The following MYO9A variants were observed in gnomAD, a reference collection of about 807,000 sequenced individuals.
The protein encoded by MYO9A is unconventional myosin-IXa.
A neutral mutation model predicts 293.3 loss-of-function variants in MYO9A; 103 were observed. The observed-to-expected ratio is 0.35, with a 90% CI of 0.30 to 0.41. The LOEUF is 0.41. MYO9A is among the 10% of genes least tolerant of loss of function. MYO9A has a pLI of 1.00. For synonymous variants in MYO9A, 1,001 were observed against 1,035.7 expected, an observed-to-expected ratio of 0.97 and a Z score of 0.64; for missense variants, 2,685 against 3,033.0, an observed-to-expected ratio of 0.89 and a Z score of 2.69.
At chr15:71,829,374 T>C (rs879416125) in intron 40 of MYO9A, among the ~76,000 whole-genome samples, 1 of 152,076 alleles carries the variant, frequency 6.6e-6, no homozygotes, top group Non-Finnish European at 1.5e-5. Context: ...AAAGATCCCA[T>C]TAAGACTTCC....
intron 4 of MYO9A, among the ~76,000 whole-genome samples, chr15:72,026,087 C>T (rs1487645681): frequency 6.6e-6 from 1 of 151,762 alleles, no homozygotes; most frequent in African/African-American, 2.4e-5. Context: ...TCCTGGATAA[C>T]ATGGTGAAAC....
At chr15:71,984,083 T>TAA (rs1201573600) in intron 11 of MYO9A, among the ~76,000 whole-genome samples, 1 of 152,106 alleles carries the variant, frequency 6.6e-6, no homozygotes, top group East Asian at 1.9e-4. Context: ...GAAACTGTCA[T>TAA]AATTTCTGCA....
In MYO9A at chr15:72,006,831, A is replaced by C. The variant is rs2077031672; in HGVS notation, c.1380+995T>G. Among the ~76,000 whole-genome samples the C allele has an allele frequency of 3.9e-5, 6 of 152,246 alleles. No homozygotes were observed. The South Asian group carries it at 1.0e-3, about 26-fold the overall frequency. ...AATTTTGGAAATGAGTGAAGTCTGC[A>C]GGATTAAAGGCAGAAGGAATTGCTC... On this transcript the variant is annotated intron_variant, in intron 8 of 41. Transcript: ENST00000356056.
At chr15:72,027,677 G>C in intron 4 of MYO9A, 54 bp downstream of exon 4, 1 of 1,365,190 alleles carries the variant, frequency 7.3e-7, no homozygotes, top group Non-Finnish European at 1.0e-6. Flanking sequence ...TTAAAAGTCA[G>C]TCTGCGTGAT....
At chr15:71,975,962 G>A (rs917845412) in intron 12 of MYO9A, among the ~76,000 whole-genome samples, 3 of 152,140 alleles carry the variant, frequency 2.0e-5, no homozygotes, top group East Asian at 1.9e-4. Context: ...CCCACACCTC[G>A]TCCTACGCAG....
Position 71,898,193 on chromosome 15 carries a change from G to A in MYO9A, c.4310C>T (p.Thr1437Ile), listed in dbSNP as rs372644027. ...CAATAGTTTGTTTCTTTGGATACTT[G>A]TGTCTAGTTGGGAATTTGTTTTCAG... ...DPLKTNSQLD[T>I]SIQRNKLLEN... The change falls in exon 25 of 42, where the codon ACA becomes ATA. Residue 1437 changes from threonine (T) to isoleucine (I), a missense_variant. This residue lies in a region of MYO9A where 1,434 missense variants were observed against 1,497.7 expected (regional missense o/e 0.96). Transcript: ENST00000356056. The A allele has an allele frequency of 7.6e-5, 122 of 1,614,024 alleles. No homozygotes were observed. In the East Asian group the frequency reaches 2.5e-3, roughly 33 times the overall value.
intron 12 of MYO9A, among the ~76,000 whole-genome samples, chr15:71,969,842 A>G (rs1441443148): frequency 6.6e-6 from 1 of 152,202 alleles, no homozygotes; most frequent in Non-Finnish European, 1.5e-5. Flanking sequence ...CAAGAAAATC[A>G]TTCATTATTG....
At chr15:72,020,341 A>G (rs1287082429) in intron 5 of MYO9A, among the ~76,000 whole-genome samples, 4 of 152,206 alleles carry the variant, frequency 2.6e-5, no homozygotes, top group Non-Finnish European at 5.9e-5. Context: ...TTACTCCTCA[A>G]TGTGGAAGTT....
At position 71,826,648 on chromosome 15, in the gene MYO9A, T is replaced by A; in HGVS notation, c.7579A>T (p.Thr2527Ser). 2 of 1,613,092 alleles carry A rather than the reference T, an allele frequency of 1.2e-6. No homozygotes were observed. The highest frequency in any genetic ancestry group is 1.7e-6 in the Non-Finnish European group (2 of 1,179,790). ...EGTVMSGRRK[T>S]VDPDCTSNQQ... ...TTGGAGGTGCAGTCTGGGTCCACAG[T>A]TTTTCTGCGGCCAGACATGACTGTC... Residue 2527 changes from threonine to serine, a missense_variant, in exon 42 of 42, where the codon ACT becomes TCT. Thr to Ser is a moderately conservative substitution (Grantham distance 58, BLOSUM62 1). Around this residue, in one of 10 missense-constraint regions of MYO9A, gnomAD observed 350 missense variants for 328.9 expected, o/e 1.06. Transcript: ENST00000356056.
intron 15 of MYO9A, among the ~76,000 whole-genome samples, chr15:71,943,415 G>C (rs145605612): frequency 1.5e-3 from 226 of 152,106 alleles, no homozygotes; most frequent in African/African-American, 4.7e-3. Context: ...TCTGCAAGCA[G>C]TAATTCTGAT....
chr15:71,883,745 A>G lies in MYO9A; in HGVS notation c.5256-9T>C, dbSNP rs747801784. The G allele has an allele frequency of 6.2e-7, 1 of 1,600,044 alleles. No individual in the cohort carries two copies. Among genetic ancestry groups the G allele is most frequent in the Non-Finnish European group, 8.5e-7 (1 of 1,175,458 alleles). On this transcript the variant is annotated splice_polypyrimidine_tract_variant and intron_variant, in intron 27 of 41. Transcript: ENST00000356056. ...TCTTAGCTCTCTGAGGTCTGTTTAA[A>G]GAAATAAAGGTAAAAATGGAAATTA... is the stretch of plus-strand genomic sequence containing the variant.
intron 18 of MYO9A, among the ~76,000 whole-genome samples, chr15:71,924,730 G>A (rs2145249446): frequency 6.6e-6 from 1 of 152,138 alleles, no homozygotes; most frequent in East Asian, 1.9e-4. Context: ...TGACCAGCCT[G>A]ACCAACATGG....
intron 18 of MYO9A, among the ~76,000 whole-genome samples, chr15:71,932,037 T>C (rs991788595): frequency 6.6e-6 from 1 of 152,154 alleles, no homozygotes; most frequent in African/African-American, 2.4e-5. Flanking sequence ...CCTTTGTTTT[T>C]TGTTGTCTCC....
At chr15:71,938,046 A>G (rs552018939) in intron 16 of MYO9A, among the ~76,000 whole-genome samples, 1 of 152,294 alleles carries the variant, frequency 6.6e-6, no homozygotes, top group East Asian at 1.9e-4. Flanking sequence ...GTGGCTAGAT[A>G]CTTGGGCTGT....
At position 71,885,387 on chromosome 15, in the gene MYO9A, G is replaced by A. The variant is rs1382616971; in HGVS notation, c.5256-1651C>T. Among the ~76,000 whole-genome samples, 11 of 152,132 alleles carry A rather than the reference G, an allele frequency of 7.2e-5. No homozygotes were observed. The East Asian group carries it at 1.9e-3, about 27-fold the overall frequency. On this transcript the variant is annotated intron_variant, in intron 27 of 41. Transcript: ENST00000356056. ...TAGAGGATTTTTAAAATTTGCTCAT[G>A]AAAACTGTTTGATTTTTCATTTCCT... is the stretch of plus-strand genomic sequence containing the variant.
Position 71,826,744 on chromosome 15 carries a change from G to A in MYO9A, c.7483C>T (p.Pro2495Ser). 1 of 1,614,064 alleles carries A rather than the reference G, an allele frequency of 6.2e-7. No individual in the cohort carries two copies. The highest frequency in any genetic ancestry group is 8.5e-7 in the Non-Finnish European group (1 of 1,179,980). The change falls in exon 42 of 42, where the codon CCG becomes TCG. Residue 2495 changes from proline (P) to serine (S), a missense_variant. This residue lies in a region of MYO9A where 350 missense variants were observed against 328.9 expected (regional missense o/e 1.06). Coordinates refer to ENST00000356056, the MANE Select transcript of MYO9A (RefSeq NM_006901.4). ...PQFISRGTFN[P>S]EKGKQKLKNV... ...TTTAATTTTTGTTTGCCCTTTTCCG[G>A]GTTGAAGGTTCCTCTGCTGATGAAC...
At chr15:71,855,271 G>T (rs1343667392) in intron 34 of MYO9A, among the ~76,000 whole-genome samples, 1 of 152,148 alleles carries the variant, frequency 6.6e-6, no homozygotes, top group Non-Finnish European at 1.5e-5. Flanking sequence ...AAGTAGCTGG[G>T]ACTACAGGCA....
chr15:72,066,496 A>AG (rs566960712), intron 1 of MYO9A, among the ~76,000 whole-genome samples: 53 of 151,342 alleles, frequency 3.5e-4, no homozygotes, highest in African/African-American at 1.1e-3. Context: ...AAAAAAAAAA[A>AG]AAAGAAAGAA....
chr15:71,846,137 T>C (rs4777467), intron 39 of MYO9A, among the ~76,000 whole-genome samples: 30,509 of 152,144 alleles, frequency 0.2, 3,306 homozygotes, highest in East Asian at 0.42. Context: ...GATGTAACCA[T>C]ATCTTGCAAG....
Sources: allele counts gnomAD v4.1 joint callset (sites outside exome capture counted in the v4.1 genomes callset), GRCh38; gene constraint gnomAD v4.1.1; regional missense constraint gnomAD v4.1.1; transcripts MANE v1.5; gene names NCBI Gene and HGNC (gene_info 2026-07-23, HGNC 2026-07-21).